Variants in FAM81B observed in about 807,000 individuals in gnomAD.
The protein encoded by FAM81B is family with sequence similarity 81 member B, also known as protein FAM81B.
A neutral mutation model predicts 58.7 loss-of-function variants in FAM81B; 60 were observed. The observed-to-expected ratio is 1.02, with a 90% CI of 0.83 to 1.27. The LOEUF is 1.27. Ranked by LOEUF, FAM81B falls within the 50% of genes most tolerant of loss-of-function variation. The pLI, the probability that FAM81B is intolerant of heterozygous loss-of-function variation, is 0.00. For synonymous variants in FAM81B, 189 were observed against 179.6 expected (o/e 1.05, Z -0.42); for missense variants, 491 against 522.0 (o/e 0.94, Z 0.58).
chr5:95,421,718 A>C (rs1582807624), intron 5 of FAM81B, among the ~76,000 whole-genome samples: 1 of 152,208 alleles, frequency 6.6e-6, no homozygotes, highest in Non-Finnish European at 1.5e-5. Flanking sequence ...CTATTGTACC[A>C]ATCCAGGTGA....
rs772880748 is a variant in FAM81B at position 95,428,733 on chromosome 5, G to A, written c.786+1G>A. The A allele has an allele frequency of 8.7e-6, 14 of 1,613,576 alleles. No individual in the cohort carries two copies. The highest frequency in any genetic ancestry group is 4.4e-5 in the South Asian group (4 of 91,062). Reference sequence around the variant, plus strand: ...TCTTTCCAAGAACTTGGACATGAAGGTAATTGAAAATAGATGGGACTCATA... The same window carrying A: ...TCTTTCCAAGAACTTGGACATGAAGATAATTGAAAATAGATGGGACTCATA... On this transcript the variant is annotated splice_donor_variant, in intron 6 of 9. Coordinates refer to ENST00000283357, the MANE Select transcript of FAM81B (RefSeq NM_152548.3). LOFTEE classifies it high-confidence loss of function.
intron 5 of FAM81B, among the ~76,000 whole-genome samples, chr5:95,425,404 C>T (rs1363626123): frequency 6.6e-6 from 1 of 152,186 alleles, no homozygotes; most frequent in East Asian, 1.9e-4. Flanking sequence ...CCTCAGACTT[C>T]TCCACCTCAA....
rs572047710 is a variant in FAM81B at position 95,429,958 on chromosome 5, G to T, written c.786+1226G>T. On this transcript the variant is annotated intron_variant, in intron 6 of 9. Coordinates refer to ENST00000283357, the MANE Select transcript of FAM81B (RefSeq NM_152548.3). ...AACAAATATCTAGAACCACCATATT[G>T]GTTGTTTTTTGGTTTGGGGATTTGT... Among the ~76,000 whole-genome samples, 10 of 152,120 alleles carry T rather than the reference G, an allele frequency of 6.6e-5. No individual in the cohort carries two copies. In the East Asian group the frequency reaches 1.9e-3, roughly 29 times the overall value.
intron 3 of FAM81B, among the ~76,000 whole-genome samples, chr5:95,405,785 CT>C (rs1318312695): frequency 6.6e-6 from 1 of 152,192 alleles, no homozygotes; most frequent in Non-Finnish European, 1.5e-5. Context: ...CAGAAAACCA[CT>C]CCCTATTCCA....
At chr5:95,399,393 A>C (rs1282537518) in intron 3 of FAM81B, among the ~76,000 whole-genome samples, 1 of 152,138 alleles carries the variant, frequency 6.6e-6, no homozygotes, top group Non-Finnish European at 1.5e-5. Flanking sequence ...TGTTGGTTGA[A>C]CTTTCTATGG....
At chr5:95,430,490 A>G (rs983002049) in intron 6 of FAM81B, among the ~76,000 whole-genome samples, 2 of 151,622 alleles carry the variant, frequency 1.3e-5, no homozygotes, top group African/African-American at 4.8e-5. Flanking sequence ...ATTGATACAC[A>G]GAGACCTTCC....
At chr5:95,446,917 C>G (rs1745590976) in intron 8 of FAM81B, among the ~76,000 whole-genome samples, 1 of 150,116 alleles carries the variant, frequency 6.7e-6, no homozygotes, top group African/African-American at 2.5e-5. Context: ...TGTGCTCTAC[C>G]TGTACCAAAA....
At chr5:95,434,735 A>G (rs968727242) in intron 6 of FAM81B, among the ~76,000 whole-genome samples, 3 of 152,134 alleles carry the variant, frequency 2.0e-5, no homozygotes, top group African/African-American at 7.2e-5. Context: ...ACATTGCCTT[A>G]TTCTTTCTTG....
chr5:95,420,376 T>C lies in FAM81B; in HGVS notation c.630T>C (p.Val210=). ...TAAACATCAAACACCTACAAGGAGT[T>C]GGAGATCTTCGAGGAAGAGTAGCCA... ...HEINIKHLQG[V]GDLRGRVARC... Residue 210 remains valine, a synonymous_variant, in exon 5 of 10, where the codon GTT becomes GTC. Transcript: ENST00000283357. The C allele has an allele frequency of 6.2e-7, 1 of 1,613,778 alleles. No homozygotes were observed. The highest frequency in any genetic ancestry group is 1.3e-5 in the African/African-American group (1 of 75,026).
At chr5:95,427,449 C>A (rs1025971695) in intron 5 of FAM81B, among the ~76,000 whole-genome samples, 4 of 152,134 alleles carry the variant, frequency 2.6e-5, no homozygotes, top group African/African-American at 7.2e-5. Context: ...CCACTACAAC[C>A]ATTTTTAAGG....
intron 5 of FAM81B, among the ~76,000 whole-genome samples, 167 bp downstream of exon 5, chr5:95,420,569 C>T (rs570533049): frequency 6.6e-6 from 1 of 152,326 alleles, no homozygotes; most frequent in African/African-American, 2.4e-5. Flanking sequence ...ATGCCTCACG[C>T]TAGCGGTGAG....
intron 3 of FAM81B, among the ~76,000 whole-genome samples, chr5:95,409,097 A>G (rs866177938): frequency 1.3e-5 from 2 of 152,246 alleles, no homozygotes; most frequent in African/African-American, 4.8e-5. Flanking sequence ...TTACAATGAC[A>G]TTTTAGATAT....
chr5:95,420,140 T>G, intron 4 of FAM81B, 144 bp from the exon 5 acceptor site: 1 of 939,058 alleles, frequency 1.1e-6, no homozygotes, highest in Non-Finnish European at 1.6e-6. Context: ...CAGAGATCAC[T>G]TCTCTCTGAG....
At chr5:95,445,332 C>T (rs185669505) in intron 7 of FAM81B, among the ~76,000 whole-genome samples, 1 of 152,198 alleles carries the variant, frequency 6.6e-6, no homozygotes, top group African/African-American at 2.4e-5. Context: ...TTTACCTATT[C>T]TAAAAGGGAA....
At chr5:95,409,493 G>A (rs778017413) in intron 3 of FAM81B, among the ~76,000 whole-genome samples, 2 of 86,158 alleles carry the variant, frequency 2.3e-5, no homozygotes, top group Non-Finnish European at 5.6e-5. Context: ...TCTTAATGTG[G>A]CTATTAGAAA....
At chr5:95,412,177 A>G (rs1415309841) in intron 3 of FAM81B, among the ~76,000 whole-genome samples, 1 of 152,164 alleles carries the variant, frequency 6.6e-6, no homozygotes, top group Non-Finnish European at 1.5e-5. Context: ...TCGTCAGAGA[A>G]TATGTTCACA....
chr5:95,428,770 T>C (rs1762920191), intron 6 of FAM81B, 38 bp downstream of exon 6: 1 of 1,612,630 alleles, frequency 6.2e-7, no homozygotes, highest in African/African-American at 1.3e-5. Context: ...TACGTGTTAC[T>C]GCCAGAAGTA....
chr5:95,437,363 T>G (rs1236899915), intron 7 of FAM81B, among the ~76,000 whole-genome samples: 2 of 152,192 alleles, frequency 1.3e-5, no homozygotes, highest in Non-Finnish European at 2.9e-5. Flanking sequence ...ATTATTATTT[T>G]GAGACGGAGT....
chr5:95,404,356 T>C (rs899720446), intron 3 of FAM81B, among the ~76,000 whole-genome samples: 2 of 152,176 alleles, frequency 1.3e-5, no homozygotes, highest in South Asian at 4.1e-4. Flanking sequence ...AAATGAGTGG[T>C]AAATGCAATC....
Sources: gnomAD v4.1 joint callset for allele counts (sites outside exome capture counted in the v4.1 genomes callset) on GRCh38, gnomAD v4.1.1 for gene constraint, MANE v1.5 for transcripts, NCBI Gene and HGNC (gene_info 2026-07-23, HGNC 2026-07-21) for gene names.